GPATCH1: variants seen among roughly 807,000 people sequenced by gnomAD.
GPATCH1 encodes the protein G patch domain-containing protein 1.
GPATCH1 carries 73 observed loss-of-function variants against 114.9 expected under a neutral mutation model. That is an observed-to-expected ratio of 0.64 (90% CI 0.53 to 0.77). The LOEUF is 0.77. GPATCH1 is among the 30% of genes least tolerant of loss of function. The pLI, the probability that GPATCH1 is intolerant of heterozygous loss-of-function variation, is 0.00. For missense variants in GPATCH1, 1,058 were observed against 1,144.3 expected (o/e 0.92, Z 1.09); for synonymous variants, 391 against 428.4 (o/e 0.91, Z 1.08).
rs141472408 is a variant in GPATCH1 at position 33,086,422 on chromosome 19, G to A, written c.74-1712G>A. 9.9e-3 allele frequency among the ~76,000 whole-genome samples: 1,504 copies of A among 152,196 alleles called. 11 individuals are homozygous for A. Among genetic ancestry groups the A allele is most frequent in the Non-Finnish European group, 0.015 (1,043 of 68,012 alleles). ...TTATTACCTTGATTTTACAGTTGTG[G>A]AGGCTGAGGCTTAGAGTGATGAAGT... On this transcript the variant is annotated intron_variant, in intron 1 of 19. Coordinates refer to ENST00000170564, the MANE Select transcript of GPATCH1 (RefSeq NM_018025.3).
chr19:33,114,543 A>G, intron 15 of GPATCH1, 124 bp downstream of exon 15: 1 of 736,646 alleles, frequency 1.4e-6, no homozygotes, highest in Non-Finnish European at 2.2e-6. Flanking sequence ...TTCCCCTTAA[A>G]GGCCATTTGG....
intron 15 of GPATCH1, among the ~76,000 whole-genome samples, chr19:33,115,515 A>G (rs1483432463): frequency 7.0e-6 from 1 of 142,238 alleles, no homozygotes; most frequent in Non-Finnish European, 1.5e-5. Context: ...TTTTTTTGAG[A>G]TGAAGTTTTA....
Position 33,096,203 on chromosome 19 carries a change from A to G in GPATCH1, c.613-4A>G. 1.9e-6 allele frequency: 3 copies of G among 1,612,510 alleles called. No individual in the cohort carries two copies. Among genetic ancestry groups the G allele is most frequent in the Non-Finnish European group, 2.5e-6 (3 of 1,179,378 alleles). ...CACCTTAATTCCACTTTAAACGGAA[A>G]TAGGGTGAAGATGATGACTACTTGC... On this transcript the variant is annotated splice_region_variant and splice_polypyrimidine_tract_variant and intron_variant, in intron 6 of 19. Coordinates refer to ENST00000170564, the MANE Select transcript of GPATCH1 (RefSeq NM_018025.3).
chr19:33,101,227 C>A (rs1371869912), intron 8 of GPATCH1, among the ~76,000 whole-genome samples: 1 of 152,146 alleles, frequency 6.6e-6, no homozygotes, highest in African/African-American at 2.4e-5. Context: ...AAAATCACGT[C>A]AATATGCTTG....
intron 1 of GPATCH1, among the ~76,000 whole-genome samples, chr19:33,081,702 C>T (rs1360827296): frequency 6.6e-6 from 1 of 152,002 alleles, no homozygotes; most frequent in Non-Finnish European, 1.5e-5. Flanking sequence ...AATTGAGGGG[C>T]AGGCAGGACG....
chr19:33,112,267 A>G (rs1240369590), intron 12 of GPATCH1, among the ~76,000 whole-genome samples: 1 of 152,176 alleles, frequency 6.6e-6, no homozygotes, highest in Non-Finnish European at 1.5e-5. Flanking sequence ...TGCCCGGCCG[A>G]GCCAAATATT....
intron 13 of GPATCH1, chr19:33,112,858 G>T: frequency 2.9e-6 from 1 of 344,770 alleles, no homozygotes; most frequent in East Asian, 5.2e-5. Context: ...GATATGTCAA[G>T]TTACAAAAGC....
At chr19:33,120,172 A>G (rs1165278910) in intron 17 of GPATCH1, among the ~76,000 whole-genome samples, 1 of 141,122 alleles carries the variant, frequency 7.1e-6, no homozygotes, top group East Asian at 2.0e-4. Context: ...AAATAAATAT[A>G]TATTCATATA....
chr19:33,091,372 C>T (rs1972593279), intron 3 of GPATCH1, among the ~76,000 whole-genome samples: 1 of 147,530 alleles, frequency 6.8e-6, no homozygotes, highest in African/African-American at 2.5e-5. Flanking sequence ...TGAGATTGCG[C>T]CACTGCACTC....
rs1973044074 is a variant in GPATCH1 at position 33,126,629 on chromosome 19, G to T, written c.2661G>T (p.Lys887Asn). The change falls in exon 19 of 20, where the codon AAG becomes AAT. Residue 887 changes from lysine (K) to asparagine (N), a missense_variant. By Grantham distance (94) the Lys-to-Asn change is moderately conservative. This residue lies in a region of GPATCH1 where 893 missense variants were observed against 977.4 expected (regional missense o/e 0.91). Transcript: ENST00000170564. Reference protein sequence around the residue: ...HRKHKHKGKQKNKKPEKSSSS... With the variant: ...HRKHKHKGKQNNKKPEKSSSS... ...AGCACAAACACAAAGGCAAGCAAAA[G>T]AATAAAAAACCAGAGAAAAGTAGTA... 6.2e-7 allele frequency: 1 copy of T among 1,613,806 alleles called. No homozygotes were observed. Among genetic ancestry groups the T allele is most frequent in the East Asian group, 2.2e-5 (1 of 44,880 alleles).
In GPATCH1 at chr19:33,125,121, T is replaced by A; in HGVS notation, c.2538T>A (p.Leu846=). The A allele has an allele frequency of 6.2e-7, 1 of 1,600,378 alleles. No homozygotes were observed. The highest frequency in any genetic ancestry group is 8.5e-7 in the Non-Finnish European group (1 of 1,173,216). The change falls in exon 18 of 20, where the codon CTT becomes CTA. Residue 846 remains leucine, a synonymous_variant. Transcript: ENST00000170564. ...GTGTTTCAGATGCTCGTCAGACACT[T>A]GAGGTTCCTCAAAAAGAGAAACATA... is the stretch of plus-strand genomic sequence containing the variant. ...PVFCPNARQT[L]EVPQKEKHKK... is the part of the protein sequence containing the mutation.
At chr19:33,085,194 C>T (rs1224981265) in intron 1 of GPATCH1, among the ~76,000 whole-genome samples, 1 of 152,088 alleles carries the variant, frequency 6.6e-6, no homozygotes, top group Non-Finnish European at 1.5e-5. Flanking sequence ...GGGCTGCTTG[C>T]ATGGCAAGGC....
At chr19:33,112,391 A>G (rs2145329005) in intron 12 of GPATCH1, 95 bp from the exon 13 acceptor site, 3 of 1,417,172 alleles carry the variant, frequency 2.1e-6, no homozygotes, top group Non-Finnish European at 2.9e-6. Flanking sequence ...AACTTTTTTC[A>G]CAGTTCTAGA....
intron 18 of GPATCH1, among the ~76,000 whole-genome samples, chr19:33,125,900 C>T (rs1973035736): frequency 6.6e-6 from 1 of 152,342 alleles, no homozygotes; most frequent in South Asian, 2.1e-4. Flanking sequence ...GGAAGGCAGG[C>T]ATGTGCTCCC....
chr19:33,095,696 C>T, intron 5 of GPATCH1, 66 bp from the exon 6 acceptor site: 1 of 1,108,638 alleles, frequency 9.0e-7, no homozygotes. Context: ...TCCACCGCGC[C>T]CGGCCTGGTC....
At chr19:33,097,731 G>C in intron 7 of GPATCH1, 24 bp from the exon 8 acceptor site, 1 of 1,612,142 alleles carries the variant, frequency 6.2e-7, no homozygotes, top group South Asian at 1.1e-5. Flanking sequence ...CCTGTGCTCA[G>C]TTTGAAACCT....
At chr19:33,083,366 C>T (rs894183394) in intron 1 of GPATCH1, among the ~76,000 whole-genome samples, 11 of 150,330 alleles carry the variant, frequency 7.3e-5, no homozygotes, top group African/African-American at 2.7e-4. Flanking sequence ...ATAGGCGTGA[C>T]TCTCTACGCC....
rs779328826 is a variant in GPATCH1, at chr19:33,090,795, C to T, written c.224C>T (p.Thr75Ile). 9 of 1,610,626 alleles carry T rather than the reference C, an allele frequency of 5.6e-6. No homozygotes were observed. In the South Asian group the frequency reaches 9.9e-5, roughly 18 times the overall value. The change falls in exon 3 of 20, where the codon ACC (threonine) becomes ATC (isoleucine). Residue 75 changes from threonine to isoleucine, a missense_variant. By Grantham distance (89) the Thr-to-Ile change is moderately conservative. Transcript: ENST00000170564. ...TTTTTTTCAGGATGGACACCCTCTA[C>T]CTTTGTGTCTTCACGACAGAACAGA... ...VGSKEGWTPS[T>I]FVSSRQNRAD...
chr19:33,089,523 C>CT (rs1448627549), intron 2 of GPATCH1, among the ~76,000 whole-genome samples: 1 of 151,980 alleles, frequency 6.6e-6, no homozygotes, highest in Non-Finnish European at 1.5e-5. Flanking sequence ...GGAAGATGAA[C>CT]TGATTTTATT....
Sources: allele counts gnomAD v4.1 joint callset (sites outside exome capture counted in the v4.1 genomes callset), GRCh38; gene constraint gnomAD v4.1.1; regional missense constraint gnomAD v4.1.1; transcripts MANE v1.5; gene names NCBI Gene and HGNC (gene_info 2026-07-23, HGNC 2026-07-21).